ZDHHC2: variants seen among roughly 807,000 people sequenced by gnomAD.
ZDHHC2 encodes the protein palmitoyltransferase ZDHHC2.
In ZDHHC2, 51 loss-of-function variants were observed where a neutral mutation model predicts 55.6. The ratio of observed to expected loss-of-function variants is 0.92; its 90% CI spans 0.73 to 1.16. The LOEUF (loss-of-function observed/expected upper bound fraction) is 1.16. ZDHHC2 is among the 50% of genes most tolerant of loss of function. The pLI is 0.00. For missense variants in ZDHHC2, 491 were observed against 442.4 expected, an observed-to-expected ratio of 1.11 and a Z score of -0.99; for synonymous variants, 199 against 152.9, an observed-to-expected ratio of 1.30 and a Z score of -2.22.
intron 11 of ZDHHC2, among the ~76,000 whole-genome samples, chr8:17,215,651 A>G (rs964306464): frequency 6.6e-6 from 1 of 152,216 alleles, no homozygotes; most frequent in Non-Finnish European, 1.5e-5. Flanking sequence ...AAGTATAAAA[A>G]TGAAAAAACT....
At chr8:17,204,046 T>G (rs1449713110) in intron 6 of ZDHHC2, among the ~76,000 whole-genome samples, 2 of 152,160 alleles carry the variant, frequency 1.3e-5, no homozygotes, top group Non-Finnish European at 2.9e-5. Flanking sequence ...GACCTTGTGG[T>G]CTGCCTGCCT....
At chr8:17,203,812 T>C (rs1304604124) in intron 6 of ZDHHC2, among the ~76,000 whole-genome samples, 3 of 32,408 alleles carry the variant, frequency 9.3e-5, no homozygotes, top group Non-Finnish European at 2.1e-4. Context: ...TTTTTTTCTT[T>C]TTTTTTTTTT....
rs548926503 is a variant in ZDHHC2, at chr8:17,199,343, T to C, written c.476+930T>C. 5.5e-4 allele frequency among the ~76,000 whole-genome samples: 84 copies of C among 152,284 alleles called. 1 individual carries two copies. Among genetic ancestry groups the C allele is most frequent in the African/African-American group, 2.0e-3 (82 of 41,576 alleles). Reference sequence around the variant, plus strand: ...ATGGCACTCTTCTTAAAGGTCTCAATAAATAACGCCCCCTTCGTACTAATT... The same window carrying C: ...ATGGCACTCTTCTTAAAGGTCTCAACAAATAACGCCCCCTTCGTACTAATT... On this transcript the variant is annotated intron_variant, in intron 6 of 12. Coordinates refer to ENST00000262096, the MANE Select transcript of ZDHHC2 (RefSeq NM_016353.5).
In ZDHHC2 at chr8:17,221,199, A is replaced by G. The variant is rs1807904637; in HGVS notation, c.*978A>G. 1 of 152,514 alleles carries G rather than the reference A, an allele frequency of 6.6e-6. No individual in the cohort carries two copies. The highest frequency in any genetic ancestry group is 6.6e-5 in the Admixed American group (1 of 15,262). The allele number at this position is 152,514 out of a possible 1,614,324, so 9.4% of individuals were successfully genotyped here. A position where few individuals can be genotyped will look rare whatever the true frequency, so the allele number is the denominator to read the frequency against. Reference sequence around the variant, plus strand: ...TGACAGGTAAACTATATTTTTCCTTAAACACCTATTACAGTTAAATTATGC... The same window carrying G: ...TGACAGGTAAACTATATTTTTCCTTGAACACCTATTACAGTTAAATTATGC... On this transcript the variant is annotated 3_prime_UTR_variant, in exon 13 of 13. Transcript: ENST00000262096.
chr8:17,178,248 T>C (rs1805251484), intron 1 of ZDHHC2, among the ~76,000 whole-genome samples: 1 of 152,192 alleles, frequency 6.6e-6, no homozygotes, highest in African/African-American at 2.4e-5. Context: ...CCAAAGCCAA[T>C]TTTTAAATAA....
At chr8:17,197,451 T>A (rs1389004716) in intron 4 of ZDHHC2, 131 bp from the exon 5 acceptor site, 1 of 773,696 alleles carries the variant, frequency 1.3e-6, no homozygotes, top group East Asian at 2.9e-5. Context: ...GCATCAAATA[T>A]CTTATTTTTT....
chr8:17,207,970 C>A lies in ZDHHC2; in HGVS notation c.608C>A (p.Pro203His). 1.6e-5 allele frequency: 25 copies of A among 1,567,870 alleles called. No individual in the cohort carries two copies. The highest frequency in any genetic ancestry group is 2.2e-5 in the Non-Finnish European group (25 of 1,156,004). Residue 203 changes from proline to histidine, a missense_variant, in exon 8 of 13, where the codon CCT becomes CAT. Transcript: ENST00000262096. The stretch of plus-strand genomic sequence containing the variant: ...TTCCTTTCTTTATAGAATGGCCTAC[C>A]TGATACTCAAGCCAAGTTCCATATT... ...YFIKFWTNGL[P>H]DTQAKFHIMF... is the part of the protein sequence containing the mutation.
chr8:17,184,753 C>T, intron 1 of ZDHHC2, 36 bp from the exon 2 acceptor site: 1 of 1,538,202 alleles, frequency 6.5e-7, no homozygotes, highest in Non-Finnish European at 8.8e-7. Context: ...TTGCCATAAG[C>T]TTCATGTAAC....
At chr8:17,203,065 T>TTTG (rs1041232774) in intron 6 of ZDHHC2, among the ~76,000 whole-genome samples, 32 of 147,548 alleles carry the variant, frequency 2.2e-4, no homozygotes, top group Admixed American at 4.1e-4. Context: ...TCCAAAGTCT[T>TTTG]TTTTTTTTTT....
intron 1 of ZDHHC2, among the ~76,000 whole-genome samples, chr8:17,161,226 C>G (rs751138832): frequency 2.6e-4 from 39 of 152,134 alleles, no homozygotes; most frequent in Non-Finnish European, 5.3e-4. Flanking sequence ...TTGTTTTCCA[C>G]CATGAAATGA....
At chr8:17,188,699 T>C (rs1323104842) in intron 3 of ZDHHC2, among the ~76,000 whole-genome samples, 1 of 152,172 alleles carries the variant, frequency 6.6e-6, no homozygotes. Context: ...GTGCCGCAGC[T>C]CTCAGATTAA....
intron 6 of ZDHHC2, among the ~76,000 whole-genome samples, chr8:17,200,997 A>C (rs567421298): frequency 1.3e-5 from 2 of 152,372 alleles, no homozygotes; most frequent in African/African-American, 4.8e-5. Flanking sequence ...GAAGGATTTG[A>C]TGCCAAGGGT....
rs1011554421 is a variant in ZDHHC2 at position 17,223,507 on chromosome 8, C to A, written c.*3286C>A. 1 of 151,882 alleles carries A rather than the reference C, an allele frequency of 6.6e-6. No homozygotes were observed. The highest frequency in any genetic ancestry group is 1.5e-5 in the Non-Finnish European group (1 of 67,816). 9.4% of individuals were successfully genotyped at this position (151,882 alleles called of 1,614,324 possible). Reference sequence around the variant, plus strand: ...GCTTAATCCCAAATGTTTTACACTTCTTTTCCACATACTTAGCCAGTTCAG... The same window carrying A: ...GCTTAATCCCAAATGTTTTACACTTATTTTCCACATACTTAGCCAGTTCAG... On this transcript the variant is annotated 3_prime_UTR_variant, in exon 13 of 13. Transcript: ENST00000262096.
intron 10 of ZDHHC2, among the ~76,000 whole-genome samples, chr8:17,212,898 C>T (rs970573621): frequency 5.3e-5 from 8 of 151,922 alleles, no homozygotes; most frequent in African/African-American, 9.7e-5. Context: ...ATTAACAGCC[C>T]GTTGCCCAGG....
intron 6 of ZDHHC2, among the ~76,000 whole-genome samples, chr8:17,203,617 C>T (rs1397492360): frequency 1.3e-5 from 2 of 152,112 alleles, no homozygotes; most frequent in Non-Finnish European, 2.9e-5. Flanking sequence ...AAAGGGAATA[C>T]CCTGTATCCT....
intron 1 of ZDHHC2, among the ~76,000 whole-genome samples, chr8:17,163,467 G>T (rs1272635213): frequency 6.6e-6 from 1 of 152,152 alleles, no homozygotes; most frequent in African/African-American, 2.4e-5. Context: ...GGGGCGAGGG[G>T]TTCTCCATGA....
At chr8:17,217,414 C>T (rs1807701246) in intron 12 of ZDHHC2, among the ~76,000 whole-genome samples, 168 bp downstream of exon 12, 1 of 152,032 alleles carries the variant, frequency 6.6e-6, no homozygotes, top group African/African-American at 2.4e-5. Flanking sequence ...TGAGTGCAGA[C>T]CTAGCTTCAG....
chr8:17,210,426 A>G lies in ZDHHC2; in HGVS notation c.896A>G (p.Asn299Ser). 2.5e-6 allele frequency: 4 copies of G among 1,613,430 alleles called. No homozygotes were observed. Among genetic ancestry groups the G allele is most frequent in the Non-Finnish European group, 3.4e-6 (4 of 1,179,632 alleles). ...TGCTCCTTTCCAACTTGCCTTGTTA[A>G]CCAGGATCCTGAACAAGCATCTACT... is the stretch of plus-strand genomic sequence containing the variant. ...DGCSFPTCLV[N>S]QDPEQASTPA... Residue 299 changes from asparagine to serine, a missense_variant, in exon 10 of 13, where the codon AAC becomes AGC. Transcript: ENST00000262096.
chr8:17,187,647 A>G (rs763283719), intron 3 of ZDHHC2, among the ~76,000 whole-genome samples: 3 of 150,388 alleles, frequency 2.0e-5, no homozygotes, highest in African/African-American at 4.9e-5. Context: ...CTCCTACCAT[A>G]TTTGCTTCTT....
Sources: allele counts gnomAD v4.1 joint callset (sites outside exome capture counted in the v4.1 genomes callset), GRCh38; gene constraint gnomAD v4.1.1; transcripts MANE v1.5; gene names NCBI Gene and HGNC (gene_info 2026-07-23, HGNC 2026-07-21).